Variants in AFAP1L1 observed in about 807,000 individuals in gnomAD.
AFAP1L1 encodes actin filament associated protein 1 like 1.
A neutral mutation model predicts 99.8 loss-of-function variants in AFAP1L1; 77 were observed. That is an observed-to-expected ratio of 0.77 (90% CI 0.64 to 0.93). The LOEUF is 0.93. Ranked by LOEUF, AFAP1L1 falls within the 40% of genes least tolerant of loss-of-function variation. AFAP1L1 has a pLI of 0.00. For missense variants in AFAP1L1, 893 were observed against 996.8 expected (o/e 0.90, Z 1.40); for synonymous variants, 373 against 395.3 (o/e 0.94, Z 0.67).
At position 149,341,114 on chromosome 5, in the gene AFAP1L1, T is replaced by C. The variant is rs1757550128; in HGVS notation, c.*1084T>C. The C allele has an allele frequency of 2.6e-5, 4 of 152,248 alleles. No individual in the cohort carries two copies. Among genetic ancestry groups the C allele is most frequent in the Admixed American group, 6.5e-5 (1 of 15,290 alleles). 9.4% of individuals were successfully genotyped at this position (152,248 alleles called of 1,614,324 possible). The stretch of plus-strand genomic sequence containing the variant: ...CTCAACACTGTAGTGAGTCTGTCTT[T>C]AACACATTTCCTTCCAATAAAGATA... On this transcript the variant is annotated 3_prime_UTR_variant, in exon 19 of 19. Transcript: ENST00000296721.
chr5:149,278,095 T>C (rs767944022), intron 1 of AFAP1L1, among the ~76,000 whole-genome samples: 2 of 152,216 alleles, frequency 1.3e-5, no homozygotes, highest in Non-Finnish European at 2.9e-5. Context: ...TCCATTCTCA[T>C]CTTTGGTCCA....
chr5:149,324,338 C>A (rs1409409820), intron 15 of AFAP1L1, among the ~76,000 whole-genome samples: 1 of 152,152 alleles, frequency 6.6e-6, no homozygotes, highest in Non-Finnish European at 1.5e-5. Flanking sequence ...CATCTTTTTG[C>A]TCCCTGGGGT....
rs1031414528 is a variant in AFAP1L1, at chr5:149,320,743, C to G, written c.1698+280C>G. Among the ~76,000 whole-genome samples, 2 of 152,182 alleles carry G rather than the reference C, an allele frequency of 1.3e-5. No individual in the cohort carries two copies. Among genetic ancestry groups the G allele is most frequent in the Non-Finnish European group, 2.9e-5 (2 of 68,036 alleles). ...GGTGAGGCATCGTCTCCGGTTTGAG[C>G]AAGTTGCTGGGGCCCTCCTCCTGTT... On this transcript the variant is annotated intron_variant, in intron 14 of 18. Transcript: ENST00000296721. The surrounding 1 kb of genome is among the most constrained non-coding windows in gnomAD (Gnocchi z 4.0).
chr5:149,292,147 C>G (rs889459519), intron 1 of AFAP1L1, among the ~76,000 whole-genome samples: 1 of 152,222 alleles, frequency 6.6e-6, no homozygotes, highest in African/African-American at 2.4e-5. Context: ...ATCATGAGTC[C>G]AAGTGCCCAG....
At chr5:149,296,230 C>T (rs200231914) in intron 1 of AFAP1L1, among the ~76,000 whole-genome samples, 3 of 152,176 alleles carry the variant, frequency 2.0e-5, no homozygotes, top group Non-Finnish European at 2.9e-5. Flanking sequence ...GATGGGATTT[C>T]GCCATGTTGC....
chr5:149,278,071 G>A (rs987570381), intron 1 of AFAP1L1, among the ~76,000 whole-genome samples: 1 of 152,146 alleles, frequency 6.6e-6, no homozygotes, highest in Non-Finnish European at 1.5e-5. Context: ...CCTCTGCCAA[G>A]AACATATCGT....
intron 7 of AFAP1L1, 68 bp from the exon 8 acceptor site, chr5:149,309,888 G>C (rs1756560914): frequency 5.6e-6 from 9 of 1,607,592 alleles, no homozygotes; most frequent in Non-Finnish European, 7.7e-6. Context: ...CCGAGCCTTT[G>C]TGTGAGGATG....
At chr5:149,333,639 A>G (rs1288897305) in intron 17 of AFAP1L1, among the ~76,000 whole-genome samples, 1 of 152,234 alleles carries the variant, frequency 6.6e-6, no homozygotes. Context: ...TTGGACCAGT[A>G]ATTCTTTCTT....
At chr5:149,299,700 A>G in intron 2 of AFAP1L1, 63 bp downstream of exon 2, 1 of 1,606,652 alleles carries the variant, frequency 6.2e-7, no homozygotes, top group Non-Finnish European at 8.5e-7. Context: ...ACCTCCCTTC[A>G]CTGACTCAAG....
chr5:149,293,785 C>T (rs1325270194), intron 1 of AFAP1L1, among the ~76,000 whole-genome samples: 1 of 152,184 alleles, frequency 6.6e-6, no homozygotes, highest in Admixed American at 6.5e-5. Context: ...AAGTGCTTCA[C>T]AAGCATAACC....
intron 1 of AFAP1L1, among the ~76,000 whole-genome samples, chr5:149,290,586 G>A (rs1561663366): frequency 1.3e-5 from 2 of 152,210 alleles, no homozygotes; most frequent in Admixed American, 6.5e-5. Flanking sequence ...TACAAAATGT[G>A]CATCACTAAA....
intron 16 of AFAP1L1, among the ~76,000 whole-genome samples, chr5:149,332,390 C>T (rs924930033): frequency 1.2e-4 from 13 of 109,690 alleles, no homozygotes; most frequent in South Asian, 7.3e-4. Context: ...AGCGAGACTC[C>T]GTCTCAAAAA....
chr5:149,338,827 T>G (rs886214942), intron 18 of AFAP1L1, among the ~76,000 whole-genome samples: 1 of 152,264 alleles, frequency 6.6e-6, no homozygotes. Flanking sequence ...GAGAAACCCA[T>G]GCAGGGGGCT....
chr5:149,297,457 C>T (rs577730747), intron 1 of AFAP1L1, among the ~76,000 whole-genome samples: 15 of 152,136 alleles, frequency 9.9e-5, no homozygotes, highest in Admixed American at 2.0e-4. Context: ...AAAGGCATCC[C>T]AATAGGACTG....
At chr5:149,292,582 T>G (rs1755891814) in intron 1 of AFAP1L1, among the ~76,000 whole-genome samples, 1 of 152,216 alleles carries the variant, frequency 6.6e-6, no homozygotes. Context: ...ACCCAGAGAA[T>G]AATTATCCTT....
chr5:149,306,814 A>G (rs949998276), intron 6 of AFAP1L1, among the ~76,000 whole-genome samples: 1 of 152,326 alleles, frequency 6.6e-6, no homozygotes, highest in East Asian at 1.9e-4. Flanking sequence ...AACACTGTCC[A>G]TGCATTGGTC....
At chr5:149,319,464 C>A in intron 12 of AFAP1L1, 118 bp from the exon 13 acceptor site, 1 of 1,183,152 alleles carries the variant, frequency 8.5e-7, no homozygotes, top group Non-Finnish European at 1.2e-6. Flanking sequence ...CTCTTTGACC[C>A]GAGTATCGGG....
chr5:149,333,785 C>A (rs1757325090), intron 17 of AFAP1L1, among the ~76,000 whole-genome samples: 2 of 152,164 alleles, frequency 1.3e-5, no homozygotes, highest in African/African-American at 2.4e-5. Flanking sequence ...CAGTGACAAC[C>A]AAAATATCTC....
At chr5:149,337,446 A>C (rs1306803168) in intron 18 of AFAP1L1, among the ~76,000 whole-genome samples, 1 of 152,260 alleles carries the variant, frequency 6.6e-6, no homozygotes, top group Non-Finnish European at 1.5e-5. Context: ...CACCCTATTT[A>C]AAGTAGTGGA....
Sources: allele counts gnomAD v4.1 joint callset (sites outside exome capture counted in the v4.1 genomes callset), GRCh38; gene constraint gnomAD v4.1.1; non-coding constraint Gnocchi (gnomAD v3.1); transcripts MANE v1.5; gene names NCBI Gene and HGNC (gene_info 2026-07-23, HGNC 2026-07-21).